CASP4: variants seen among roughly 807,000 people sequenced by gnomAD.
The protein encoded by CASP4 is caspase-4.
CASP4 carries 29 observed loss-of-function variants against 41.3 expected under a neutral mutation model. The ratio of observed to expected loss-of-function variants is 0.70; its 90% CI spans 0.52 to 0.96. The LOEUF is 0.96. Ranked by LOEUF, CASP4 falls within the 40% of genes least tolerant of loss-of-function variation. The pLI is 0.00. For missense variants in CASP4, 447 were observed against 460.6 expected (o/e 0.97, Z 0.27); for synonymous variants, 185 against 158.4 (o/e 1.17, Z -1.26).
rs528828625 is a variant in CASP4 at position 104,954,527 on chromosome 11, G to C, written c.262+220C>G. ...AAGGTGTGAACTATTAACTATTTTT[G>C]TACACAGTCTGAACACAAGGACTCA... On this transcript the variant is annotated intron_variant, in intron 2 of 8. Transcript: ENST00000444739. Among the ~76,000 whole-genome samples, 8 of 152,194 alleles carry C rather than the reference G, an allele frequency of 5.3e-5. No homozygotes were observed. The South Asian group carries it at 1.2e-3, about 24-fold the overall frequency.
At chr11:104,965,709 C>T (rs1003811533) in intron 1 of CASP4, among the ~76,000 whole-genome samples, 1 of 152,194 alleles carries the variant, frequency 6.6e-6, no homozygotes, top group African/African-American at 2.4e-5. Flanking sequence ...GGTCCAGTCT[C>T]CCTTTGCAGG....
intron 1 of CASP4, chr11:104,956,783 G>T: frequency 4.8e-6 from 1 of 209,518 alleles, no homozygotes; most frequent in Non-Finnish European, 8.3e-6. Flanking sequence ...ACACAGATTA[G>T]TGTGTGGGAT....
At chr11:104,950,878 A>T in intron 4 of CASP4, 47 bp downstream of exon 4, 2 of 1,564,584 alleles carry the variant, frequency 1.3e-6, no homozygotes, top group Non-Finnish European at 8.7e-7. Context: ...TATTAGAAGG[A>T]TGTGTCTTGA....
At chr11:104,955,753 A>G (rs1287768259) in intron 1 of CASP4, among the ~76,000 whole-genome samples, 2 of 152,166 alleles carry the variant, frequency 1.3e-5, no homozygotes, top group African/African-American at 4.8e-5. Flanking sequence ...AAATATAGAT[A>G]CCAAAGTAAT....
At chr11:104,947,494 T>C (rs1254677438) in intron 6 of CASP4, 2 of 183,654 alleles carry the variant, frequency 1.1e-5, no homozygotes, top group Non-Finnish European at 1.1e-5. Context: ...TCAGCTTTTA[T>C]AGGGGCTTGA....
At chr11:104,965,544 G>T (rs1156413081) in intron 1 of CASP4, among the ~76,000 whole-genome samples, 1 of 152,172 alleles carries the variant, frequency 6.6e-6, no homozygotes, top group Admixed American at 6.5e-5. Flanking sequence ...AAAGAAATAA[G>T]ACCTAACCAA....
At chr11:104,966,484 A>C (rs1474615743) in intron 1 of CASP4, among the ~76,000 whole-genome samples, 1 of 152,240 alleles carries the variant, frequency 6.6e-6, no homozygotes, top group African/African-American at 2.4e-5. Context: ...AATTAGCAGA[A>C]GCTCAAGAAA....
chr11:104,963,041 C>T (rs1432631792), intron 1 of CASP4, among the ~76,000 whole-genome samples: 1 of 152,136 alleles, frequency 6.6e-6, no homozygotes, highest in Non-Finnish European at 1.5e-5. Context: ...TGATAAAGTT[C>T]AAAAGCCAGA....
Position 104,951,985 on chromosome 11 carries a change from CA to C in CASP4, c.282del (p.Gly95AspfsTer21). The C allele has an allele frequency of 2.5e-6, 4 of 1,611,212 alleles. No homozygotes were observed. The highest frequency in any genetic ancestry group is 3.4e-6 in the Non-Finnish European group (4 of 1,178,048). ...GTAGATTCTCCTGACTCAGGTGGTCCAGCCTCCATATTCGGATGAGCTGCAG... is the reference window on the plus strand; with the variant it reads ...GTAGATTCTCCTGACTCAGGTGGTCCGCCTCCATATTCGGATGAGCTGCAG... Reference protein sequence around the residue: ...PNKKAHPNMEAGPPESGESTD... With the variant: ...PNKKAHPNMEXGPPESGESTD... On this transcript the variant is annotated frameshift_variant, in exon 3 of 9. Coordinates refer to ENST00000444739, the MANE Select transcript of CASP4 (RefSeq NM_001225.4). LOFTEE classifies it high-confidence loss of function.
chr11:104,952,112 A>C (rs1860631812), intron 2 of CASP4, 107 bp from the exon 3 acceptor site: 1 of 670,436 alleles, frequency 1.5e-6, no homozygotes, highest in Admixed American at 2.3e-5. Context: ...CTTCACATAT[A>C]GGGGTTTTAG....
At chr11:104,961,368 G>C (rs1860854490) in intron 1 of CASP4, among the ~76,000 whole-genome samples, 1 of 152,180 alleles carries the variant, frequency 6.6e-6, no homozygotes. Context: ...GACTGGTTCT[G>C]TGGCCCCATA....
chr11:104,964,027 A>G lies in CASP4; in HGVS notation c.7+4492T>C, dbSNP rs554940524. On this transcript the variant is annotated intron_variant, in intron 1 of 8. Coordinates refer to ENST00000444739, the MANE Select transcript of CASP4 (RefSeq NM_001225.4). ...TCTGTCTGTCTGTGTATTTATATAA[A>G]CTTCTATAATTCTGATAAAATTTAC... is the stretch of plus-strand genomic sequence containing the variant. Among the ~76,000 whole-genome samples, 4 of 152,266 alleles carry G rather than the reference A, an allele frequency of 2.6e-5. No homozygotes were observed. The South Asian group carries it at 6.2e-4, about 24-fold the overall frequency.
At chr11:104,953,983 T>C (rs1056869815) in intron 2 of CASP4, among the ~76,000 whole-genome samples, 1 of 152,294 alleles carries the variant, frequency 6.6e-6, no homozygotes, top group African/African-American at 2.4e-5. Flanking sequence ...ATTTATTGAA[T>C]GCATATACTT....
intron 1 of CASP4, 91 bp from the exon 2 acceptor site, chr11:104,955,092 TC>T: frequency 8.8e-6 from 11 of 1,256,086 alleles, no homozygotes; most frequent in Non-Finnish European, 1.2e-5. Flanking sequence ...GTGAAATACT[TC>T]TGAAAGTATG....
At chr11:104,956,680 G>A in intron 1 of CASP4, 2 of 983,814 alleles carry the variant, frequency 2.0e-6, no homozygotes, top group Non-Finnish European at 2.4e-6. Context: ...TCCAACAGGT[G>A]AGATCACAAA....
intron 1 of CASP4, among the ~76,000 whole-genome samples, chr11:104,959,800 T>A (rs11606407): frequency 0.17 from 25,456 of 152,190 alleles, 2,445 homozygotes; most frequent in African/African-American, 0.25. Flanking sequence ...ATTTCCCTTC[T>A]TAATTCACAT....
Position 104,963,256 on chromosome 11 carries a change from A to AT in CASP4, c.7+5262dup, listed in dbSNP as rs56325275. The stretch of plus-strand genomic sequence containing the variant: ...TTAGTAAACTGAATTATTTTTCTCC[A>AT]TTTTTTGTCTTGCCACTCTTAATGC... On this transcript the variant is annotated intron_variant, in intron 1 of 8. Transcript: ENST00000444739. Among the ~76,000 whole-genome samples the AT allele has an allele frequency of 1.1e-3, 165 of 152,150 alleles. 1 individual carries two copies. The highest frequency in any genetic ancestry group is 3.7e-3 in the Admixed American group (57 of 15,270).
chr11:104,962,153 A>G (rs959064101), intron 1 of CASP4, among the ~76,000 whole-genome samples: 2 of 152,208 alleles, frequency 1.3e-5, no homozygotes, highest in Admixed American at 6.5e-5. Flanking sequence ...ATGTTTCCAT[A>G]AAACAGAAAA....
chr11:104,943,623 C>T (rs1860379227), intron 8 of CASP4: 1 of 152,152 alleles, frequency 6.6e-6, no homozygotes, highest in Non-Finnish European at 1.5e-5. Context: ...TGTTTCTACT[C>T]ACTAGAATAT....
Sources: allele counts gnomAD v4.1 joint callset (sites outside exome capture counted in the v4.1 genomes callset), GRCh38; gene constraint gnomAD v4.1.1; transcripts MANE v1.5; gene names NCBI Gene and HGNC (gene_info 2026-07-23, HGNC 2026-07-21).